The following PRSS48 variants were observed in gnomAD, a reference collection of about 807,000 sequenced individuals.
PRSS48 encodes the protein epidermis-specific serine protease-like protein.
PRSS48 carries 21 observed loss-of-function variants against 25.6 expected under a neutral mutation model. The ratio of observed to expected loss-of-function variants is 0.82; its 90% CI spans 0.58 to 1.18. The LOEUF is 1.18. Among genes scored for constraint, PRSS48 ranks in the 50% most tolerant of loss-of-function variants. PRSS48 has a pLI of 0.00. For missense variants in PRSS48, 373 were observed against 399.3 expected (o/e 0.93, Z 0.56); for synonymous variants, 150 against 149.3 (o/e 1.00, Z -0.04).
intron 2 of PRSS48, 71 bp downstream of exon 2, chr4:151,280,029 CA>C: frequency 6.6e-7 from 1 of 1,522,770 alleles, no homozygotes; most frequent in Non-Finnish European, 9.0e-7. Flanking sequence ...ATGAATGAAC[CA>C]AAAGACAAAT....
At chr4:151,282,273 A>ACGT in exon 3 of PRSS48, 1 of 1,613,974 alleles carries the variant, frequency 6.2e-7, no homozygotes, top group Non-Finnish European at 8.5e-7. Context: ...ACAACGGCAG[A>ACGT]CGTCGCCTTG....
At chr4:151,289,584 A>G (rs1011851066) in intron 4 of PRSS48, among the ~76,000 whole-genome samples, 1 of 152,256 alleles carries the variant, frequency 6.6e-6, no homozygotes, top group African/African-American at 2.4e-5. Context: ...CTAAAGATAT[A>G]CAAATGTCCA....
intron 1 of PRSS48, among the ~76,000 whole-genome samples, chr4:151,277,866 C>G (rs1268572348): frequency 6.6e-6 from 1 of 152,078 alleles, no homozygotes; most frequent in Non-Finnish European, 1.5e-5. Flanking sequence ...CATGGTGAAA[C>G]CCCATCTCTA....
intron 2 of PRSS48, 32 bp from the exon 3 acceptor site, chr4:151,282,116 C>T (rs1369802101): frequency 8.1e-6 from 13 of 1,609,544 alleles, no homozygotes; most frequent in Non-Finnish European, 1.1e-5. Flanking sequence ...CAGCTGCAGG[C>T]CATAAGCAGG....
At chr4:151,278,517 T>C (rs887804115) in intron 1 of PRSS48, among the ~76,000 whole-genome samples, 5 of 152,126 alleles carry the variant, frequency 3.3e-5, no homozygotes, top group African/African-American at 7.2e-5. Flanking sequence ...GTCTCTAATA[T>C]AGCACCTGTC....
intron 2 of PRSS48, among the ~76,000 whole-genome samples, chr4:151,281,630 T>C (rs747811709): frequency 3.9e-5 from 6 of 152,140 alleles, no homozygotes; most frequent in Non-Finnish European, 7.4e-5. Context: ...TCATTGCCTC[T>C]AAATAGTTTG....
exon 5 of PRSS48, chr4:151,291,281 T>C (rs760260859): frequency 6.8e-6 from 11 of 1,613,904 alleles, no homozygotes; most frequent in Non-Finnish European, 9.3e-6. Flanking sequence ...GCCAACAATC[T>C]AGACTTCTCT....
At chr4:151,280,769 G>A (rs903272830) in intron 2 of PRSS48, among the ~76,000 whole-genome samples, 3 of 151,552 alleles carry the variant, frequency 2.0e-5, no homozygotes, top group East Asian at 1.9e-4. Context: ...CAGCCTGGGC[G>A]ACAGAGTGAG....
intron 4 of PRSS48, among the ~76,000 whole-genome samples, chr4:151,288,209 C>T (rs1370769880): frequency 1.3e-5 from 2 of 152,120 alleles, no homozygotes; most frequent in African/African-American, 4.8e-5. Context: ...GCCATAAGGT[C>T]AGGAAAGAGA....
At chr4:151,279,104 C>G (rs1773925528) in intron 1 of PRSS48, 1 of 423,106 alleles carries the variant, frequency 2.4e-6, no homozygotes, top group African/African-American at 2.1e-5. Context: ...AGCTGTGGCC[C>G]AAGTATAGGC....
chr4:151,282,443 C>T (rs2150009325), intron 3 of PRSS48, 30 bp downstream of exon 3: 1 of 1,609,970 alleles, frequency 6.2e-7, no homozygotes, highest in Non-Finnish European at 8.5e-7. Flanking sequence ...AGGGTTGTTT[C>T]ATATGTCATC....
At chr4:151,291,726 T>C (rs372121251), downstream of PRSS48, among the ~76,000 whole-genome samples, 46 of 152,302 alleles carry the variant, frequency 3.0e-4, no homozygotes, top group African/African-American at 8.2e-4. Flanking sequence ...GAATAAGTAT[T>C]TGTAGACACA....
At chr4:151,278,693 T>G (rs184368175) in intron 1 of PRSS48, among the ~76,000 whole-genome samples, 9 of 151,900 alleles carry the variant, frequency 5.9e-5, no homozygotes. Context: ...TGCAGTGGCA[T>G]GATCTAAACT....
At chr4:151,279,136 C>A in intron 1 of PRSS48, 1 of 436,172 alleles carries the variant, frequency 2.3e-6, no homozygotes. Context: ...GGCCAGCACC[C>A]TGCAGCAGCA....
At chr4:151,282,013 T>A (rs1774283178) in intron 2 of PRSS48, 135 bp from the exon 3 acceptor site, 1 of 843,214 alleles carries the variant, frequency 1.2e-6, no homozygotes, top group Non-Finnish European at 1.9e-6. Flanking sequence ...TCAACCCTAG[T>A]TGAAGTTGGA....
intron 2 of PRSS48, among the ~76,000 whole-genome samples, chr4:151,280,284 T>C (rs1774089313): frequency 6.6e-6 from 1 of 152,174 alleles, no homozygotes; most frequent in African/African-American, 2.4e-5. Context: ...AAGCAACTTG[T>C]CATGTGGTGA....
intron 4 of PRSS48, among the ~76,000 whole-genome samples, chr4:151,288,655 C>T (rs971414647): frequency 6.6e-6 from 1 of 150,692 alleles, no homozygotes; most frequent in East Asian, 1.9e-4. Flanking sequence ...GGCGGGGCAA[C>T]GAAGCGAGAC....
chr4:151,290,469 G>C (rs1273271222), intron 4 of PRSS48, among the ~76,000 whole-genome samples: 1 of 152,174 alleles, frequency 6.6e-6, no homozygotes, highest in Non-Finnish European at 1.5e-5. Context: ...CCATTTATAT[G>C]AAATGTCTAA....
At chr4:151,291,028 C>T in intron 4 of PRSS48, 90 bp from the exon 5 acceptor site, 1 of 982,516 alleles carries the variant, frequency 1.0e-6, no homozygotes, top group South Asian at 1.7e-5. Context: ...GGTCTCATGG[C>T]CCAGTTTTAA....
Sources: gnomAD v4.1 joint callset for allele counts (sites outside exome capture counted in the v4.1 genomes callset) on GRCh38, gnomAD v4.1.1 for gene constraint, MANE v1.5 for transcripts, NCBI Gene and HGNC (gene_info 2026-07-23, HGNC 2026-07-21) for gene names.